The following UNC79 variants were observed in gnomAD, a reference collection of about 807,000 sequenced individuals.
UNC79 encodes the protein protein unc-79 homolog.
In UNC79, 37 loss-of-function variants were observed where a neutral mutation model predicts 283.1. That is an observed-to-expected ratio of 0.13 (90% CI 0.10 to 0.17). The LOEUF (loss-of-function observed/expected upper bound fraction) is 0.17. UNC79 is among the 10% of genes least tolerant of loss of function. The pLI, the probability that UNC79 is intolerant of heterozygous loss-of-function variation, is 1.00. For synonymous variants in UNC79, 1,107 were observed against 1,200.2 expected, an observed-to-expected ratio of 0.92 and a Z score of 1.61; for missense variants, 2,272 against 3,211.1, an observed-to-expected ratio of 0.71 and a Z score of 7.07.
At chr14:93,610,477 A>G (rs1475817519) in intron 26 of UNC79, among the ~76,000 whole-genome samples, 4 of 152,244 alleles carry the variant, frequency 2.6e-5, no homozygotes, top group Non-Finnish European at 5.9e-5. Context: ...TGCCACAATA[A>G]CTTTGAACCC....
At chr14:93,488,066 A>G (rs930233433) in intron 5 of UNC79, among the ~76,000 whole-genome samples, 8 of 152,346 alleles carry the variant, frequency 5.3e-5, no homozygotes, top group African/African-American at 1.4e-4. Context: ...AAAGATAACC[A>G]CTGTTAATAT....
Position 93,493,907 on chromosome 14 carries a change from T to A in UNC79, c.713-2504T>A, listed in dbSNP as rs1256761090. ...TATATATATATATATATATATTTTT[T>A]TTTTTTTTTTTTTGAGATAGAGTTT... On this transcript the variant is annotated intron_variant, in intron 5 of 48. Coordinates refer to ENST00000555664, the Ensembl canonical transcript of UNC79. Among the ~76,000 whole-genome samples the A allele has an allele frequency of 3.0e-3, 378 of 127,988 alleles. 4 individuals are homozygous for A. Among genetic ancestry groups the A allele is most frequent in the East Asian group, 0.026 (105 of 4,012 alleles). 84.0% of individuals were successfully genotyped at this position (127,988 alleles called of 152,430 possible).
chr14:93,695,890 C>CAAAAAACAAAAA (rs2075067760), intron 47 of UNC79, among the ~76,000 whole-genome samples: 1 of 39,440 alleles, frequency 2.5e-5, no homozygotes. Flanking sequence ...GACTTTGTCT[C>CAAAAAACAAAAA]AAAAAAAAAA....
chr14:93,522,809 T>C (rs111987171), intron 7 of UNC79, among the ~76,000 whole-genome samples: 26 of 152,112 alleles, frequency 1.7e-4, no homozygotes, highest in African/African-American at 6.3e-4. Context: ...TATTTTTAAA[T>C]GTCAGTCGTT....
At chr14:93,595,342 G>A (rs1462881502) in intron 23 of UNC79, among the ~76,000 whole-genome samples, 1 of 151,988 alleles carries the variant, frequency 6.6e-6, no homozygotes, top group African/African-American at 2.4e-5. Flanking sequence ...CACCCACCTC[G>A]ACCTCCTAAA....
chr14:93,560,153 G>A (rs963145967), intron 14 of UNC79, among the ~76,000 whole-genome samples: 1 of 151,580 alleles, frequency 6.6e-6, no homozygotes, highest in African/African-American at 2.4e-5. Context: ...ATAAAAGAAA[G>A]AAAAAAATAG....
At chr14:93,662,574 T>G in intron 39 of UNC79, 30 bp from the exon 43 acceptor site, 1 of 1,435,624 alleles carries the variant, frequency 7.0e-7, no homozygotes, top group Non-Finnish European at 9.7e-7. Flanking sequence ...AATCAGCAAT[T>G]GACTTTATTT....
intron 5 of UNC79, 91 bp downstream of exon 5, chr14:93,487,846 C>CG (rs1227124924): frequency 1.6e-6 from 2 of 1,229,808 alleles, no homozygotes; most frequent in African/African-American, 3.0e-5. Flanking sequence ...CATGTGAGAA[C>CG]GTCATCATCA....
chr14:93,698,944 A>G (rs1246277088), intron 47 of UNC79, among the ~76,000 whole-genome samples: 1 of 152,222 alleles, frequency 6.6e-6, no homozygotes. Context: ...CTTTTGCTAT[A>G]TCAAATTACT....
chr14:93,657,102 G>A (rs1596264527), intron 38 of UNC79, among the ~76,000 whole-genome samples: 1 of 152,214 alleles, frequency 6.6e-6, no homozygotes. Flanking sequence ...TATAGAGGAG[G>A]GATCTTTACC....
intron 1 of UNC79, among the ~76,000 whole-genome samples, chr14:93,349,346 G>T (rs1331250804): frequency 6.6e-6 from 1 of 152,194 alleles, no homozygotes; most frequent in East Asian, 1.9e-4. Flanking sequence ...TGGCAGACTT[G>T]CAAGACTGGC....
chr14:93,410,876 T>C (rs551165373), intron 1 of UNC79, among the ~76,000 whole-genome samples: 1 of 151,998 alleles, frequency 6.6e-6, no homozygotes, highest in Admixed American at 6.6e-5. Context: ...CTCAGCACAT[T>C]CTTAGCTGTG....
At position 93,567,923 on chromosome 14, in the gene UNC79, GCGGGGA is replaced by G. The variant is rs1298260327; in HGVS notation, c.1756-3969_1756-3964del. Among the ~76,000 whole-genome samples, 6 of 152,254 alleles carry G rather than the reference GCGGGGA, an allele frequency of 3.9e-5. No individual in the cohort carries two copies. The East Asian group carries it at 7.7e-4, about 20-fold the overall frequency. ...AAATACATTGGTTCTGTCCAGAAAG[GCGGGGA>G]CAACTCGAAACAGGGAGGGAGCTTC... On this transcript the variant is annotated intron_variant, in intron 14 of 48. Transcript: ENST00000555664.
intron 1 of UNC79, among the ~76,000 whole-genome samples, chr14:93,407,311 A>G (rs566326062): frequency 6.6e-6 from 1 of 152,332 alleles, no homozygotes; most frequent in East Asian, 1.9e-4. Context: ...ACAGAGAATC[A>G]CAGGTTACAG....
intron 18 of UNC79, 39 bp from the exon 19 acceptor site, chr14:93,580,110 G>A: frequency 1.5e-6 from 2 of 1,341,314 alleles, no homozygotes; most frequent in Non-Finnish European, 2.0e-6. Context: ...TTTTTTTTTT[G>A]TGTGTGTGTG....
intron 1 of UNC79, chr14:93,348,163 T>G: frequency 8.0e-7 from 1 of 1,254,580 alleles, no homozygotes; most frequent in Non-Finnish European, 1.2e-6. Context: ...CAAAAAACTT[T>G]CAGAAAAAGC....
At chr14:93,624,493 G>C (rs2067396223) in intron 30 of UNC79, among the ~76,000 whole-genome samples, 1 of 152,130 alleles carries the variant, frequency 6.6e-6, no homozygotes, top group Non-Finnish European at 1.5e-5. Flanking sequence ...GGTCTACAGG[G>C]TGAGTCTCTG....
chr14:93,377,249 C>A (rs2054580270), intron 1 of UNC79, among the ~76,000 whole-genome samples: 1 of 152,032 alleles, frequency 6.6e-6, no homozygotes, highest in Admixed American at 6.6e-5. Context: ...GCCACCATGC[C>A]TGGCTAATTT....
intron 1 of UNC79, among the ~76,000 whole-genome samples, chr14:93,433,608 C>T (rs2055965224): frequency 6.6e-6 from 1 of 151,918 alleles, no homozygotes; most frequent in South Asian, 2.1e-4. Flanking sequence ...TGGGAGAGCT[C>T]GTTTCTCCTC....
Sources: gnomAD v4.1 joint callset for allele counts (sites outside exome capture counted in the v4.1 genomes callset) on GRCh38, gnomAD v4.1.1 for gene constraint, MANE v1.5 for transcripts, NCBI Gene and HGNC (gene_info 2026-07-23, HGNC 2026-07-21) for gene names.